GMDS: variants seen among roughly 807,000 people sequenced by gnomAD.
The protein encoded by GMDS is GDP-mannose 4,6 dehydratase.
GMDS carries 20 observed loss-of-function variants against 49.9 expected under a neutral mutation model. The observed-to-expected ratio is 0.40, with a 90% CI of 0.28 to 0.58. The LOEUF (loss-of-function observed/expected upper bound fraction) is 0.58. Ranked by LOEUF, GMDS falls within the 20% of genes least tolerant of loss-of-function variation. GMDS has a pLI of 0.42. For missense variants in GMDS, 362 were observed against 481.4 expected, an observed-to-expected ratio of 0.75 and a Z score of 2.32; for synonymous variants, 177 against 178.6, an observed-to-expected ratio of 0.99 and a Z score of 0.07.
At position 1,676,492 on chromosome 6, in the gene GMDS, A is replaced by G. The variant is rs1764631042; in HGVS notation, c.987+49924T>C. On this transcript the variant is annotated intron_variant, in intron 9 of 10. Coordinates refer to ENST00000380815, the MANE Select transcript of GMDS (RefSeq NM_001500.4). ...ATTGCTAAGACAATCCTAAGCAAAAAGAACAAAGCTGGAGGCATCACACTA... is the reference window on the plus strand; with the variant it reads ...ATTGCTAAGACAATCCTAAGCAAAAGGAACAAAGCTGGAGGCATCACACTA... 2.0e-5 allele frequency among the ~76,000 whole-genome samples: 3 copies of G among 152,252 alleles called. No individual in the cohort carries two copies. The South Asian group carries it at 6.2e-4, about 32-fold the overall frequency.
chr6:1,816,381 C>T (rs774108477), intron 7 of GMDS, among the ~76,000 whole-genome samples: 18 of 152,084 alleles, frequency 1.2e-4, no homozygotes, highest in Non-Finnish European at 1.8e-4. Flanking sequence ...TCACATAAAA[C>T]GACTGATTTA....
intron 9 of GMDS, among the ~76,000 whole-genome samples, chr6:1,681,198 T>C (rs1396724261): frequency 6.7e-6 from 1 of 150,310 alleles, no homozygotes; most frequent in African/African-American, 2.5e-5. Flanking sequence ...ACAGGGCATG[T>C]GCCAATGCAG....
At chr6:1,647,806 T>A (rs1763532908) in intron 9 of GMDS, among the ~76,000 whole-genome samples, 1 of 152,254 alleles carries the variant, frequency 6.6e-6, no homozygotes, top group East Asian at 1.9e-4. Context: ...AGCCCTTCCT[T>A]CCTCCTGGAA....
At chr6:2,169,199 T>C (rs1224320185) in intron 1 of GMDS, among the ~76,000 whole-genome samples, 2 of 152,178 alleles carry the variant, frequency 1.3e-5, no homozygotes, top group African/African-American at 4.8e-5. Flanking sequence ...GGAAGGCACT[T>C]TGAAAAACCT....
intron 7 of GMDS, among the ~76,000 whole-genome samples, chr6:1,889,196 G>A (rs1581311252): frequency 6.6e-6 from 1 of 152,114 alleles, no homozygotes; most frequent in East Asian, 1.9e-4. Context: ...TTAAAACTTT[G>A]TATGTGGCTT....
intron 7 of GMDS, among the ~76,000 whole-genome samples, chr6:1,918,830 T>C (rs1432213557): frequency 6.6e-6 from 1 of 152,096 alleles, no homozygotes; most frequent in African/African-American, 2.4e-5. Context: ...ATCAGGAAAC[T>C]GGCCACTGTG....
chr6:1,726,516 T>C lies in GMDS; in HGVS notation c.891-4A>G, dbSNP rs1167030198. 1 of 1,592,682 alleles carries C rather than the reference T, an allele frequency of 6.3e-7. No homozygotes were observed. Among genetic ancestry groups the C allele is most frequent in the Admixed American group, 1.7e-5 (1 of 59,996 alleles). ...ATTTTCATTCTTTCCTTCCCACCTGTAAGGAAGATAAACACTGAATCAGCT... is the reference window on the plus strand; with the variant it reads ...ATTTTCATTCTTTCCTTCCCACCTGCAAGGAAGATAAACACTGAATCAGCT... On this transcript the variant is annotated splice_polypyrimidine_tract_variant and splice_region_variant and intron_variant, in intron 8 of 10. Coordinates refer to ENST00000380815, the MANE Select transcript of GMDS (RefSeq NM_001500.4).
At chr6:2,202,433 CT>C (rs1207272952) in intron 1 of GMDS, among the ~76,000 whole-genome samples, 2 of 147,768 alleles carry the variant, frequency 1.4e-5, no homozygotes, top group African/African-American at 2.5e-5. Flanking sequence ...CAATTTCTTT[CT>C]ATTTTTTTTT....
intron 4 of GMDS, among the ~76,000 whole-genome samples, chr6:2,003,175 T>G (rs754762647): frequency 1.3e-5 from 2 of 152,084 alleles, no homozygotes; most frequent in Non-Finnish European, 2.9e-5. Flanking sequence ...TAGTCATAAT[T>G]AATCTAGATA....
At chr6:1,846,432 C>T (rs1308286948) in intron 7 of GMDS, among the ~76,000 whole-genome samples, 1 of 152,060 alleles carries the variant, frequency 6.6e-6, no homozygotes, top group African/African-American at 2.4e-5. Context: ...CTCTAAAATT[C>T]TCAATATCAA....
chr6:2,156,493 C>A (rs759592923), intron 1 of GMDS, among the ~76,000 whole-genome samples: 2 of 152,070 alleles, frequency 1.3e-5, no homozygotes, highest in Non-Finnish European at 1.5e-5. Context: ...GGCAAACAAG[C>A]AAATAATGAC....
chr6:1,660,254 G>A (rs1250608177), intron 9 of GMDS, among the ~76,000 whole-genome samples: 1 of 152,130 alleles, frequency 6.6e-6, no homozygotes, highest in Non-Finnish European at 1.5e-5. Context: ...TTTCAAGCAA[G>A]GGGTCCTATT....
intron 4 of GMDS, among the ~76,000 whole-genome samples, chr6:2,082,080 T>C (rs560099541): frequency 6.6e-6 from 1 of 152,286 alleles, no homozygotes; most frequent in African/African-American, 2.4e-5. Flanking sequence ...ATCCCAGCTA[T>C]ACAAACAATT....
chr6:1,706,430 T>C (rs996243094), intron 9 of GMDS, among the ~76,000 whole-genome samples: 12 of 152,238 alleles, frequency 7.9e-5, no homozygotes, highest in African/African-American at 2.9e-4. Context: ...ACCTGAGGCC[T>C]GTGAAAAATA....
chr6:1,902,766 G>T (rs183867140), intron 7 of GMDS, among the ~76,000 whole-genome samples: 2 of 152,240 alleles, frequency 1.3e-5, no homozygotes, highest in East Asian at 3.9e-4. Flanking sequence ...CAAATAACAG[G>T]TAAAAACACT....
chr6:1,676,611 T>C (rs1764634471), intron 9 of GMDS, among the ~76,000 whole-genome samples: 1 of 151,366 alleles, frequency 6.6e-6, no homozygotes, highest in Non-Finnish European at 1.5e-5. Flanking sequence ...CAGAATAGAG[T>C]CCCTGAAATA....
At chr6:1,914,139 T>TTG (rs1554132888) in intron 7 of GMDS, among the ~76,000 whole-genome samples, 1 of 129,194 alleles carries the variant, frequency 7.7e-6, no homozygotes, top group African/African-American at 2.8e-5. Context: ...TTGTTTTTTT[T>TTG]TTTTTTTTTT....
intron 1 of GMDS, among the ~76,000 whole-genome samples, chr6:2,232,163 T>G (rs1470113712): frequency 6.6e-6 from 1 of 151,978 alleles, no homozygotes; most frequent in Non-Finnish European, 1.5e-5. Flanking sequence ...CGGGTTTTTT[T>G]TTTTAAATAC....
rs114932099 is a variant in GMDS, at chr6:2,058,854, A to C, written c.345+56917T>G. 2.4e-3 allele frequency among the ~76,000 whole-genome samples: 371 copies of C among 152,314 alleles called. 5 individuals carry two copies. Among genetic ancestry groups the C allele is most frequent in the African/African-American group, 8.6e-3 (356 of 41,558 alleles). The stretch of plus-strand genomic sequence containing the variant: ...ACTTCAAAGTTGTTTAAAAGGTCCT[A>C]GATTTCAGCTAAAATTGCTGGTAGT... On this transcript the variant is annotated intron_variant, in intron 4 of 10. Transcript: ENST00000380815.
Sources: allele counts gnomAD v4.1 joint callset (sites outside exome capture counted in the v4.1 genomes callset), GRCh38; gene constraint gnomAD v4.1.1; transcripts MANE v1.5; gene names NCBI Gene and HGNC (gene_info 2026-07-23, HGNC 2026-07-21).